The following ARHGEF9 variants were observed in gnomAD, a reference collection of about 807,000 sequenced individuals.
The protein encoded by ARHGEF9 is Cdc42 guanine nucleotide exchange factor 9.
Under a neutral mutation model 41.3 loss-of-function variants are expected in ARHGEF9, and 2 were observed. That is an observed-to-expected ratio of 0.05 (90% confidence interval 0.02 to 0.15). ARHGEF9 has a LOEUF of 0.15. ARHGEF9 is among the 10% of genes least tolerant of loss of function. The pLI, the probability that ARHGEF9 is intolerant of heterozygous loss-of-function variation, is 1.00. For synonymous variants in ARHGEF9, 160 were observed against 154.4 expected (o/e 1.04, Z -0.27); for missense variants, 225 against 424.7 (o/e 0.53, Z 4.13).
intron 3 of ARHGEF9, among the ~76,000 whole-genome samples, chrX:63,702,036 C>T (rs1265991004): frequency 3.6e-5 from 4 of 112,420 alleles, no homozygotes; most frequent in Admixed American, 2.8e-4. Context: ...ATGGCTAATA[C>T]GTTTGAAAAC....
At chrX:63,759,101 A>AAGAT (rs1164662839) in intron 1 of ARHGEF9, among the ~76,000 whole-genome samples, 1 of 111,254 alleles carries the variant, frequency 9.0e-6, no homozygotes, top group African/African-American at 3.3e-5. Flanking sequence ...CAACTTGTCA[A>AAGAT]AGATTATACA....
At chrX:63,663,982 T>G (rs1214456625) in intron 7 of ARHGEF9, among the ~76,000 whole-genome samples, 2 of 112,209 alleles carry the variant, frequency 1.8e-5, no homozygotes, top group Non-Finnish European at 3.8e-5. Context: ...AGGCTGGCTG[T>G]GTCTTGGGAA....
At chrX:63,645,232 ACTT>A (rs1375784130) in intron 8 of ARHGEF9, among the ~76,000 whole-genome samples, 2 of 110,287 alleles carry the variant, frequency 1.8e-5, no homozygotes, top group East Asian at 5.7e-4. Context: ...TTTTTTTTTC[ACTT>A]TTTTTAATAT....
intron 1 of ARHGEF9, among the ~76,000 whole-genome samples, chrX:63,752,192 TC>T: frequency 1.1e-5 from 1 of 91,087 alleles, no homozygotes; most frequent in African/African-American, 4.1e-5. Context: ...TTCCAGCTCA[TC>T]CCCCCCACCC....
chrX:63,637,856 GTGTGTGTGTGTGTGTGTGTGTGTGTC>G lies in ARHGEF9; in HGVS notation c.*146_*171del. 3 of 384,956 alleles carry G rather than the reference GTGTGTGTGTGTGTGTGTGTGTGTGTC, an allele frequency of 7.8e-6. No individual in the cohort carries two copies. The highest frequency in any genetic ancestry group is 1.3e-5 in the Non-Finnish European group (3 of 226,454). 31.7% of individuals were successfully genotyped at this position (384,956 alleles called of 1,213,427 possible). ...TTGTTCCTTATCTCTCTGTGTGTGTGTGTGTGTGTGTGTGTGTGTGTGTGTCTGTGTGTGTGTGTGTGTATGTGTAC... is the reference window on the plus strand; with the variant it reads ...TTGTTCCTTATCTCTCTGTGTGTGTGTGTGTGTGTGTGTGTGTATGTGTAC... On this transcript the variant is annotated 3_prime_UTR_variant, in exon 10 of 10. Coordinates refer to ENST00000671741, the MANE Select transcript of ARHGEF9 (RefSeq NM_001353921.2).
intron 8 of ARHGEF9, among the ~76,000 whole-genome samples, chrX:63,652,253 G>C (rs1556329940): frequency 1.8e-5 from 2 of 111,616 alleles, no homozygotes; most frequent in African/African-American, 6.5e-5. Flanking sequence ...CGAACAGTCA[G>C]CCCTCTGTAA....
chrX:63,670,404 A>G lies in ARHGEF9; in HGVS notation c.945+3634T>C, dbSNP rs1238404057. The G allele has an allele frequency of 2.7e-5, 3 of 110,737 alleles. No homozygotes were observed. The Admixed American group carries it at 2.9e-4, about 11-fold the overall frequency. 9.1% of individuals were successfully genotyped at this position (110,737 alleles called of 1,213,427 possible). ...TTTGGATTCAGTCATCAAATAGCAA[A>G]GTGGAACAGGTCCTTGGGTATTACA... On this transcript the variant is annotated intron_variant, in intron 6 of 9. Transcript: ENST00000671741.
At chrX:63,695,893 C>A (rs1368628491) in intron 4 of ARHGEF9, among the ~76,000 whole-genome samples, 1 of 111,594 alleles carries the variant, frequency 9.0e-6, no homozygotes, top group African/African-American at 3.3e-5. Flanking sequence ...GTTTTCTTGG[C>A]AGACAACATT....
intron 1 of ARHGEF9, among the ~76,000 whole-genome samples, chrX:63,766,287 G>A (rs1373630898): frequency 8.9e-6 from 1 of 111,789 alleles, no homozygotes; most frequent in Non-Finnish European, 1.9e-5. Flanking sequence ...AGGAGGAAAT[G>A]GAGGGAGGGA....
At chrX:63,666,326 CCTCTCT>C (rs368308422) in intron 6 of ARHGEF9, among the ~76,000 whole-genome samples, 4 of 95,200 alleles carry the variant, frequency 4.2e-5, no homozygotes, top group Non-Finnish European at 6.4e-5. Flanking sequence ...TCTGTGTCTG[CCTCTCT>C]CTCTCTCTCT....
At chrX:63,696,191 G>A (rs782384892) in intron 4 of ARHGEF9, among the ~76,000 whole-genome samples, 3 of 112,043 alleles carry the variant, frequency 2.7e-5, no homozygotes, top group East Asian at 5.6e-4. Context: ...AGTCTCAGAA[G>A]TAAAACAGGA....
At chrX:63,722,142 A>G (rs1474279823) in intron 2 of ARHGEF9, among the ~76,000 whole-genome samples, 1 of 112,147 alleles carries the variant, frequency 8.9e-6, no homozygotes. Flanking sequence ...TGCATTTCTA[A>G]TAATAGAACT....
At chrX:63,664,190 G>C (rs2049382575) in intron 7 of ARHGEF9, among the ~76,000 whole-genome samples, 1 of 112,147 alleles carries the variant, frequency 8.9e-6, no homozygotes, top group Non-Finnish European at 1.9e-5. Flanking sequence ...CTTAGACATG[G>C]CTCATTACTC....
At chrX:63,769,378 C>G in intron 1 of ARHGEF9, among the ~76,000 whole-genome samples, 1 of 109,799 alleles carries the variant, frequency 9.1e-6, no homozygotes, top group South Asian at 3.9e-4. Flanking sequence ...TAAAGACATT[C>G]AGTTTTATAA....
chrX:63,684,939 A>G (rs1602391629), intron 4 of ARHGEF9, among the ~76,000 whole-genome samples: 1 of 109,620 alleles, frequency 9.1e-6, no homozygotes, highest in African/African-American at 3.3e-5. Context: ...ATGAATACAT[A>G]GAAACAGATT....
rs1406986837 is a variant in ARHGEF9 at position 63,760,984 on chromosome X, ACTGCCTTTCAGAC to A, written c.30+24119_30+24131del. Among the ~76,000 whole-genome samples the A allele has an allele frequency of 5.4e-5, 6 of 111,315 alleles. No individual in the cohort carries two copies. The East Asian group carries it at 1.7e-3, about 32-fold the overall frequency. ...AACTATCATTATCATAATCTATTGA[ACTGCCTTTCAGAC>A]CTGAGAACTAGTGTGAATTTGAGGG... On this transcript the variant is annotated intron_variant, in intron 1 of 9. Transcript: ENST00000671741.
At chrX:63,703,132 G>A (rs2052297630) in intron 3 of ARHGEF9, 1 of 112,409 alleles carries the variant, frequency 8.9e-6, no homozygotes, top group Non-Finnish European at 1.9e-5. Context: ...CGTGATTATA[G>A]GGTGAGAAAA....
At chrX:63,721,479 A>G (rs782363712) in intron 2 of ARHGEF9, among the ~76,000 whole-genome samples, 3 of 111,156 alleles carry the variant, frequency 2.7e-5, no homozygotes, top group Non-Finnish European at 5.7e-5. Flanking sequence ...CCCATCAGTA[A>G]CAGGTTGTCA....
chrX:63,778,529 C>T (rs1556460200), intron 1 of ARHGEF9, among the ~76,000 whole-genome samples: 2 of 112,549 alleles, frequency 1.8e-5, no homozygotes, highest in African/African-American at 6.5e-5. Context: ...ATTTCTCCCC[C>T]AGAAAATGGG....
Sources: allele counts gnomAD v4.1 joint callset (sites outside exome capture counted in the v4.1 genomes callset), GRCh38; gene constraint gnomAD v4.1.1; transcripts MANE v1.5; gene names NCBI Gene and HGNC (gene_info 2026-07-23, HGNC 2026-07-21).